SEC23B: variants seen among roughly 807,000 people sequenced by gnomAD.
The protein encoded by SEC23B is SEC23 homolog B, COPII component.
In SEC23B, 77 loss-of-function variants were observed where a neutral mutation model predicts 104.3. The ratio of observed to expected loss-of-function variants is 0.74; its 90% CI spans 0.61 to 0.89. The LOEUF is 0.89. SEC23B is among the 40% of genes least tolerant of loss of function. The pLI, the probability that SEC23B is intolerant of heterozygous loss-of-function variation, is 0.00. For synonymous variants in SEC23B, 338 were observed against 332.5 expected, an observed-to-expected ratio of 1.02 and a Z score of -0.18; for missense variants, 885 against 949.4, an observed-to-expected ratio of 0.93 and a Z score of 0.89.
chr20:18,508,216 A>C (rs2059948631), intron 1 of SEC23B: 1 of 152,228 alleles, frequency 6.6e-6, no homozygotes, highest in African/African-American at 2.4e-5. Context: ...GAAGGACCCA[A>C]GTCCCGTTTT....
intron 2 of SEC23B, 25 bp downstream of exon 2, chr20:18,511,081 AAAATGAT>A: frequency 6.7e-7 from 1 of 1,502,546 alleles, no homozygotes; most frequent in Non-Finnish European, 9.3e-7. Flanking sequence ...GAAACTGGTA[AAAATGAT>A]AAATACAATA....
intron 9 of SEC23B, among the ~76,000 whole-genome samples, chr20:18,530,335 TC>T (rs1463772159): frequency 1.3e-5 from 2 of 152,154 alleles, no homozygotes; most frequent in Admixed American, 1.3e-4. Context: ...CGCTGCAACC[TC>T]TGCCTCCTGG....
chr20:18,556,183 C>T (rs1424959062), intron 19 of SEC23B, among the ~76,000 whole-genome samples: 1 of 152,178 alleles, frequency 6.6e-6, no homozygotes, highest in Non-Finnish European at 1.5e-5. Context: ...GCTTCACTTA[C>T]TTACCTGCCA....
chr20:18,521,270 C>T (rs2060081583), intron 4 of SEC23B, among the ~76,000 whole-genome samples: 1 of 152,086 alleles, frequency 6.6e-6, no homozygotes, highest in Non-Finnish European at 1.5e-5. Context: ...GGTTTAAGGG[C>T]TGGAATCTAA....
chr20:18,549,370 A>G (rs6081204), intron 16 of SEC23B, among the ~76,000 whole-genome samples: 103,453 of 151,982 alleles, frequency 0.68, 36,650 homozygotes, highest in Non-Finnish European at 0.8. Context: ...TAATGTAAGT[A>G]CCATGTAAAT....
chr20:18,544,773 A>G (rs2060318043), intron 14 of SEC23B, among the ~76,000 whole-genome samples: 1 of 152,238 alleles, frequency 6.6e-6, no homozygotes, highest in South Asian at 2.1e-4. Flanking sequence ...TTCAGGCTCA[A>G]TGGCACTGAG....
At chr20:18,534,944 C>T (rs1482214432) in intron 11 of SEC23B, among the ~76,000 whole-genome samples, 1 of 152,180 alleles carries the variant, frequency 6.6e-6, no homozygotes, top group Non-Finnish European at 1.5e-5. Flanking sequence ...CACAGCTCTT[C>T]ACCTTCCAGC....
At chr20:18,543,323 G>A (rs2060305989) in intron 14 of SEC23B, 151 bp downstream of exon 14, 3 of 961,204 alleles carry the variant, frequency 3.1e-6, no homozygotes, top group East Asian at 2.6e-5. Flanking sequence ...TGTTAAAGAC[G>A]TGTTAAATGT....
At chr20:18,557,640 A>G (rs2060451543) in intron 19 of SEC23B, among the ~76,000 whole-genome samples, 1 of 152,146 alleles carries the variant, frequency 6.6e-6, no homozygotes, top group African/African-American at 2.4e-5. Context: ...AACATAATTG[A>G]TAAGTCTTAA....
rs772402564 is a variant in SEC23B, at chr20:18,524,448, C to T, written c.382C>T (p.Pro128Ser). 1 of 1,613,996 alleles carries T rather than the reference C, an allele frequency of 6.2e-7. No individual in the cohort carries two copies. Among genetic ancestry groups the T allele is most frequent in the Non-Finnish European group, 8.5e-7 (1 of 1,179,916 alleles). The change falls in exon 5 of 20, where the codon CCT (proline) becomes TCT (serine). Residue 128 changes from proline (P) to serine (S), a missense_variant. Coordinates refer to ENST00000650089, the MANE Select transcript of SEC23B (RefSeq NM_006363.6). ...TTGCCCAAAGCGAGGTGCTCAGTCC[C>T]CTCTGATCTTTCTCTATGTGGTTGA... is the stretch of plus-strand genomic sequence containing the variant. Reference protein sequence around the residue: ...EYVIQRGAQSPLIFLYVVDTC... With the variant: ...EYVIQRGAQSSLIFLYVVDTC...
At chr20:18,541,170 G>A (rs569492405) in intron 12 of SEC23B, among the ~76,000 whole-genome samples, 7 of 152,228 alleles carry the variant, frequency 4.6e-5, no homozygotes, top group Non-Finnish European at 7.3e-5. Context: ...TTCTCCTGCA[G>A]CTTCCTTACC....
At position 18,545,598 on chromosome 20, in the gene SEC23B, C is replaced by G. The variant is rs187619686; in HGVS notation, c.1666-358C>G. ...TTTGAGTTTTAGTGTGAGAGAACAT[C>G]AAAGCGTAACTATAATTGTTAGTTT... is the stretch of plus-strand genomic sequence containing the variant. On this transcript the variant is annotated intron_variant, in intron 14 of 19. Transcript: ENST00000650089. Among the ~76,000 whole-genome samples, 158 of 152,296 alleles carry G rather than the reference C, an allele frequency of 1.0e-3. 1 individual carries two copies. Among genetic ancestry groups the G allele is most frequent in the African/African-American group, 3.4e-3 (142 of 41,556 alleles).
At chr20:18,535,444 A>G (rs1478817541) in intron 11 of SEC23B, among the ~76,000 whole-genome samples, 9 of 152,176 alleles carry the variant, frequency 5.9e-5, no homozygotes, top group African/African-American at 2.2e-4. Flanking sequence ...CAGAATGTTA[A>G]TATAAAAAGC....
intron 12 of SEC23B, among the ~76,000 whole-genome samples, chr20:18,540,692 C>T (rs112882700): frequency 0.013 from 1,912 of 152,244 alleles, 18 homozygotes; most frequent in Non-Finnish European, 0.021. Flanking sequence ...CTCATCTCTA[C>T]CAAAAATACA....
At chr20:18,508,581 A>G (rs542573693) in intron 1 of SEC23B, among the ~76,000 whole-genome samples, 133 of 152,276 alleles carry the variant, frequency 8.7e-4, no homozygotes, top group African/African-American at 2.9e-3. Context: ...TGGACCTTCT[A>G]TAGTCCCCTT....
chr20:18,555,387 A>G (rs1420644561), intron 19 of SEC23B, among the ~76,000 whole-genome samples: 1 of 151,946 alleles, frequency 6.6e-6, no homozygotes, highest in Non-Finnish European at 1.5e-5. Context: ...CTTCCACAAT[A>G]TACAGCAGAA....
At chr20:18,538,459 T>A (rs2060257373) in intron 12 of SEC23B, among the ~76,000 whole-genome samples, 1 of 151,964 alleles carries the variant, frequency 6.6e-6, no homozygotes, top group East Asian at 1.9e-4. Flanking sequence ...TTCACCCTGT[T>A]AGCCAGGATG....
chr20:18,554,135 A>C, intron 17 of SEC23B, 100 bp from the exon 18 acceptor site: 1 of 1,344,348 alleles, frequency 7.4e-7, no homozygotes, highest in South Asian at 1.2e-5. Flanking sequence ...AGACTTCTTC[A>C]CTAGAAACAA....
At chr20:18,530,016 A>C (rs2060169790) in intron 9 of SEC23B, among the ~76,000 whole-genome samples, 1 of 152,168 alleles carries the variant, frequency 6.6e-6, no homozygotes, top group African/African-American at 2.4e-5. Flanking sequence ...AATACTCATG[A>C]GTTGGAAAAC....
Sources: allele counts gnomAD v4.1 joint callset (sites outside exome capture counted in the v4.1 genomes callset), GRCh38; gene constraint gnomAD v4.1.1; transcripts MANE v1.5; gene names NCBI Gene and HGNC (gene_info 2026-07-23, HGNC 2026-07-21).